Variants in PCDH15 observed in about 807,000 individuals in gnomAD.
The protein encoded by PCDH15 is protocadherin-15.
PCDH15 carries 129 observed loss-of-function variants against 178.5 expected under a neutral mutation model. The ratio of observed to expected loss-of-function variants is 0.72; its 90% confidence interval spans 0.63 to 0.84. PCDH15 has a LOEUF of 0.84. Ranked by LOEUF, PCDH15 falls within the 40% of genes least tolerant of loss-of-function variation. The pLI, the probability that PCDH15 is intolerant of heterozygous loss-of-function variation, is 0.00. For synonymous variants in PCDH15, 800 were observed against 732.0 expected (o/e 1.09, Z -1.50); for missense variants, 2,230 against 2,099.9 (o/e 1.06, Z -1.21).
intron 2 of PCDH15, among the ~76,000 whole-genome samples, chr10:55,494,669 C>T (rs1336890670): frequency 6.6e-6 from 1 of 151,674 alleles, no homozygotes; most frequent in Non-Finnish European, 1.5e-5. Context: ...CTCAGATTTA[C>T]AGTGATTGAA....
At chr10:54,748,612 G>T (rs1476391013) in intron 1 of PCDH15, among the ~76,000 whole-genome samples, 2 of 152,074 alleles carry the variant, frequency 1.3e-5, no homozygotes, top group African/African-American at 4.8e-5. Flanking sequence ...CCCTTTACAG[G>T]ATTGATTTCT....
chr10:54,521,970 C>T (rs2082915769), intron 3 of PCDH15, among the ~76,000 whole-genome samples: 1 of 150,948 alleles, frequency 6.6e-6, no homozygotes, highest in Non-Finnish European at 1.5e-5. Flanking sequence ...TGCATGTGGT[C>T]CTAGCTACTC....
At chr10:55,515,884 T>A (rs1008384497) in intron 2 of PCDH15, among the ~76,000 whole-genome samples, 21 of 152,178 alleles carry the variant, frequency 1.4e-4, no homozygotes, top group Admixed American at 6.5e-5. Flanking sequence ...TCAAAAAGAA[T>A]TTTCAAAAAT....
At chr10:54,465,025 C>T (rs1243064145) in intron 3 of PCDH15, among the ~76,000 whole-genome samples, 1 of 152,136 alleles carries the variant, frequency 6.6e-6, no homozygotes, top group African/African-American at 2.4e-5. Flanking sequence ...CACCCTCTCA[C>T]ACCACTACAT....
intron 18 of PCDH15, among the ~76,000 whole-genome samples, chr10:54,042,737 T>C (rs1278034533): frequency 6.6e-6 from 1 of 152,110 alleles, no homozygotes; most frequent in Non-Finnish European, 1.5e-5. Flanking sequence ...ACAATGAGCA[T>C]CCACTGAAAT....
intron 3 of PCDH15, among the ~76,000 whole-genome samples, chr10:54,449,806 C>T (rs2136274026): frequency 6.6e-6 from 1 of 151,802 alleles, no homozygotes; most frequent in South Asian, 2.1e-4. Context: ...AGGACTTGAG[C>T]ATCTGGAGAT....
Position 53,857,246 on chromosome 10 carries a change from C to G in PCDH15, c.3735G>C (p.Gln1245His). ...KADVLVSVVN[Q>H]LDMQVIVSNV... ...TGGAAACAATGACTTGCATATCCAG[C>G]TGATTGACCACGGAGACCTGAAAGA... The change falls in exon 28 of 38, where the codon CAG (glutamine) becomes CAC (histidine). Residue 1245 changes from glutamine to histidine, a missense_variant. By Grantham distance (24) the Gln-to-His change is conservative. Transcript: ENST00000644397. The G allele has an allele frequency of 6.2e-7, 1 of 1,611,368 alleles. No homozygotes were observed. The highest frequency in any genetic ancestry group is 1.7e-4 in the Middle Eastern group (1 of 6,050).
chr10:55,405,305 C>G (rs1334523), intron 2 of PCDH15, among the ~76,000 whole-genome samples: 1 of 123,760 alleles, frequency 8.1e-6, no homozygotes, highest in Non-Finnish European at 1.8e-5. Context: ...TATATATATA[C>G]AATTTAATGT....
intron 1 of PCDH15, among the ~76,000 whole-genome samples, chr10:55,218,548 A>T (rs768370805): frequency 9.2e-5 from 14 of 152,008 alleles, no homozygotes; most frequent in Non-Finnish European, 2.1e-4. Context: ...AAGCTGATTA[A>T]AGTGCAAGCA....
At chr10:55,478,201 A>C (rs2132114609) in intron 2 of PCDH15, among the ~76,000 whole-genome samples, 1 of 151,912 alleles carries the variant, frequency 6.6e-6, no homozygotes, top group African/African-American at 2.4e-5. Context: ...GGAGAGCTAG[A>C]ATGCAATGCA....
intron 2 of PCDH15, among the ~76,000 whole-genome samples, chr10:55,094,929 CTT>C (rs60073886): frequency 4.5e-4 from 58 of 130,238 alleles, no homozygotes; most frequent in Admixed American, 2.5e-4. Flanking sequence ...TATCCAAATT[CTT>C]TTTTTTTTTT....
chr10:54,786,671 T>A (rs2133485262), intron 1 of PCDH15, among the ~76,000 whole-genome samples: 1 of 152,084 alleles, frequency 6.6e-6, no homozygotes, highest in African/African-American at 2.4e-5. Context: ...AAGGGTATGC[T>A]TTGTGGAATA....
At chr10:55,130,511 G>T (rs1296462973) in intron 2 of PCDH15, among the ~76,000 whole-genome samples, 1 of 152,144 alleles carries the variant, frequency 6.6e-6, no homozygotes, top group South Asian at 2.1e-4. Context: ...ACTACCAGGG[G>T]TCAAAGCTCA....
intron 18 of PCDH15, among the ~76,000 whole-genome samples, chr10:54,049,561 TG>T (rs2093723477): frequency 1.3e-5 from 2 of 152,152 alleles, no homozygotes; most frequent in Non-Finnish European, 2.9e-5. Context: ...TAGTTTCTTG[TG>T]GGTTTTTATC....
chr10:53,866,865 G>T lies in PCDH15; in HGVS notation c.3502-8C>A. 1 of 1,557,784 alleles carries T rather than the reference G, an allele frequency of 6.4e-7. No individual in the cohort carries two copies. Among genetic ancestry groups the T allele is most frequent in the African/African-American group, 1.5e-5 (1 of 67,472 alleles). ...AGTATCTTTATCAGTAGCCTAGACG[G>T]AGGGGAAAAAAAAAGAGATTATAAT... On this transcript the variant is annotated splice_polypyrimidine_tract_variant and splice_region_variant and intron_variant, in intron 26 of 37. Coordinates refer to ENST00000644397, the MANE Select transcript of PCDH15 (RefSeq NM_001384140.1).
At position 55,315,076 on chromosome 10, in the gene PCDH15, A is replaced by G. The variant is rs187333888; in HGVS notation, c.-156+4523T>C. 1.2e-3 allele frequency among the ~76,000 whole-genome samples: 187 copies of G among 152,220 alleles called. 1 individual carries two copies. Among genetic ancestry groups the G allele is most frequent in the African/African-American group, 4.4e-3 (181 of 41,584 alleles). ...CTACTTAAAGATCAGAAAGAAATCT[A>G]TATAGTTTTAGACTTATTCTTCTAG... On this transcript the variant is annotated intron_variant, in intron 1 of 5. Coordinates refer to the PCDH15 transcript ENST00000458638.
chr10:54,546,065 A>G (rs1157015137), intron 2 of PCDH15, among the ~76,000 whole-genome samples: 3 of 152,234 alleles, frequency 2.0e-5, no homozygotes, highest in Admixed American at 1.3e-4. Flanking sequence ...GATAGTTGCC[A>G]TGATGGGGAT....
At chr10:54,831,271 G>A (rs1241513202) in intron 3 of PCDH15, among the ~76,000 whole-genome samples, 1 of 151,624 alleles carries the variant, frequency 6.6e-6, no homozygotes, top group African/African-American at 2.4e-5. Flanking sequence ...GATATTCATG[G>A]GAACATGAAA....
At chr10:55,536,870 T>C (rs1841589658) in intron 2 of PCDH15, among the ~76,000 whole-genome samples, 1 of 152,158 alleles carries the variant, frequency 6.6e-6, no homozygotes, top group African/African-American at 2.4e-5. Context: ...TCTATTACAA[T>C]TGAGTCCAAA....
Sources: gnomAD v4.1 joint callset for allele counts (sites outside exome capture counted in the v4.1 genomes callset) on GRCh38, gnomAD v4.1.1 for gene constraint, MANE v1.5 for transcripts, NCBI Gene and HGNC (gene_info 2026-07-23, HGNC 2026-07-21) for gene names.